The following JMJD1C variants were observed in gnomAD, a reference collection of about 807,000 sequenced individuals.
JMJD1C encodes jumonji domain containing 1C.
JMJD1C carries 31 observed loss-of-function variants against 245.3 expected under a neutral mutation model. The observed-to-expected ratio is 0.13, with a 90% CI of 0.09 to 0.17. JMJD1C has a LOEUF of 0.17. Among genes scored for constraint, JMJD1C ranks in the 10% least tolerant of loss-of-function variants. JMJD1C has a pLI of 1.00. For synonymous variants in JMJD1C, 1,057 were observed against 1,017.4 expected, an observed-to-expected ratio of 1.04 and a Z score of -0.74; for missense variants, 2,691 against 3,000.2, an observed-to-expected ratio of 0.90 and a Z score of 2.41.
intron 11 of JMJD1C, among the ~76,000 whole-genome samples, chr10:63,199,033 G>A (rs1197236545): frequency 6.6e-6 from 1 of 152,120 alleles, no homozygotes; most frequent in African/African-American, 2.4e-5. Context: ...GAGTAAAAAT[G>A]TGGGCCCAAT....
chr10:63,350,024 G>T (rs188777493), intron 2 of JMJD1C, among the ~76,000 whole-genome samples: 1 of 151,984 alleles, frequency 6.6e-6, no homozygotes, highest in Non-Finnish European at 1.5e-5. Context: ...AGCATCCTAC[G>T]ATGTCATAAA....
rs1211709579 is a variant in JMJD1C, at chr10:63,345,502, AAAAC to A, written c.333+34812_333+34815del. ...AGACTTTGTCTCAAAAAAAAAAAAA[AAAAC>A]AAAAAAAAGGAACAAACTACCAATC... On this transcript the variant is annotated intron_variant, in intron 2 of 25. Coordinates refer to ENST00000399262, the MANE Select transcript of JMJD1C (RefSeq NM_032776.3). Among the ~76,000 whole-genome samples the A allele has an allele frequency of 7.0e-4, 107 of 151,808 alleles. 4 individuals carry two copies. The South Asian group carries it at 0.022, about 31-fold the overall frequency.
intron 2 of JMJD1C, among the ~76,000 whole-genome samples, chr10:63,315,598 G>GGAGGCC (rs1939898004): frequency 6.6e-6 from 1 of 152,058 alleles, no homozygotes; most frequent in African/African-American, 2.4e-5. Flanking sequence ...CAGCACTTTG[G>GGAGGCC]GAGGCCGAGG....
At chr10:63,244,925 T>C (rs1213548104) in intron 3 of JMJD1C, among the ~76,000 whole-genome samples, 2 of 151,822 alleles carry the variant, frequency 1.3e-5, no homozygotes, top group African/African-American at 4.8e-5. Flanking sequence ...TCACTTGTGG[T>C]CAGGAGTTCG....
At chr10:63,350,762 G>T (rs575887224) in intron 2 of JMJD1C, among the ~76,000 whole-genome samples, 3 of 151,694 alleles carry the variant, frequency 2.0e-5, no homozygotes, top group Non-Finnish European at 2.9e-5. Flanking sequence ...GACTACAGGC[G>T]CCCGCCACCG....
intron 10 of JMJD1C, among the ~76,000 whole-genome samples, chr10:63,201,652 G>A (rs7895472): frequency 0.43 from 64,935 of 152,004 alleles, 14,500 homozygotes; most frequent in South Asian, 0.53. Context: ...TAAGCTGGCC[G>A]GGCACGGTGG....
chr10:63,248,768 C>T (rs1050861383), intron 3 of JMJD1C, among the ~76,000 whole-genome samples: 11 of 152,122 alleles, frequency 7.2e-5, no homozygotes, highest in Admixed American at 2.6e-4. Flanking sequence ...AAAGAGATAG[C>T]TGCATTTCTA....
chr10:63,197,358 A>G, intron 13 of JMJD1C, 53 bp downstream of exon 13: 1 of 1,434,984 alleles, frequency 7.0e-7, no homozygotes, highest in South Asian at 1.3e-5. Flanking sequence ...TAGAAGAGTG[A>G]TCCTAAAGAA....
chr10:63,240,730 G>T (rs1269771119), intron 3 of JMJD1C, among the ~76,000 whole-genome samples: 2 of 152,084 alleles, frequency 1.3e-5, no homozygotes, highest in Non-Finnish European at 2.9e-5. Context: ...AGAAAAATAG[G>T]CTTAAGATTT....
Position 63,453,480 on chromosome 10 carries a change from A to G in JMJD1C, c.168+12015T>C, listed in dbSNP as rs141493975. 3.5e-3 allele frequency among the ~76,000 whole-genome samples: 534 copies of G among 152,336 alleles called. 4 individuals carry two copies. The highest frequency in any genetic ancestry group is 0.029 in the South Asian group (141 of 4,830). ...CAGAAAGATATATGGAATATAACAGATAGTCCACAAATATTCCTAAAATAT... is the reference window on the plus strand; with the variant it reads ...CAGAAAGATATATGGAATATAACAGGTAGTCCACAAATATTCCTAAAATAT... On this transcript the variant is annotated intron_variant, in intron 1 of 25. Coordinates refer to ENST00000399262, the MANE Select transcript of JMJD1C (RefSeq NM_032776.3).
chr10:63,181,148 G>A (rs1292220484), intron 22 of JMJD1C, among the ~76,000 whole-genome samples: 2 of 152,158 alleles, frequency 1.3e-5, no homozygotes, highest in African/African-American at 4.8e-5. Context: ...TTACAGGCAT[G>A]AGCCACCGTG....
At chr10:63,484,463 T>C (rs1223038939) in intron 1 of JMJD1C, among the ~76,000 whole-genome samples, 1 of 152,162 alleles carries the variant, frequency 6.6e-6, no homozygotes, top group Admixed American at 6.5e-5. Context: ...CTTTTCACGC[T>C]ATTTATACCC....
At chr10:63,432,919 C>T (rs1221429252) in intron 1 of JMJD1C, among the ~76,000 whole-genome samples, 1 of 152,168 alleles carries the variant, frequency 6.6e-6, no homozygotes, top group African/African-American at 2.4e-5. Flanking sequence ...CTAAGACTAA[C>T]TGAATGATTT....
At chr10:63,484,756 CATTTA>C (rs951627624) in intron 1 of JMJD1C, among the ~76,000 whole-genome samples, 2 of 151,856 alleles carry the variant, frequency 1.3e-5, no homozygotes, top group African/African-American at 4.8e-5. Flanking sequence ...AAGTACTGTA[CATTTA>C]ATTTCTATTG....
chr10:63,243,966 A>G (rs1489254436), intron 3 of JMJD1C, among the ~76,000 whole-genome samples: 1 of 152,190 alleles, frequency 6.6e-6, no homozygotes, highest in Non-Finnish European at 1.5e-5. Context: ...AACACTGGAA[A>G]AAGTAAGATC....
At chr10:63,394,678 CT>C (rs1230397231) in intron 1 of JMJD1C, among the ~76,000 whole-genome samples, 2 of 152,042 alleles carry the variant, frequency 1.3e-5, no homozygotes, top group African/African-American at 4.8e-5. Context: ...AACCCTGTGT[CT>C]ACTAATAATA....
At chr10:63,386,931 A>T (rs571942498) in intron 1 of JMJD1C, among the ~76,000 whole-genome samples, 1 of 152,146 alleles carries the variant, frequency 6.6e-6, no homozygotes, top group African/African-American at 2.4e-5. Context: ...AACAGACATG[A>T]TCTTCTGACT....
At chr10:63,324,929 T>C (rs1941338949) in intron 2 of JMJD1C, among the ~76,000 whole-genome samples, 1 of 152,200 alleles carries the variant, frequency 6.6e-6, no homozygotes, top group African/African-American at 2.4e-5. Flanking sequence ...GCTTGCTTCA[T>C]ACAAACCAAA....
intron 1 of JMJD1C, among the ~76,000 whole-genome samples, chr10:63,384,009 T>C (rs1947406650): frequency 6.6e-6 from 1 of 152,196 alleles, no homozygotes; most frequent in East Asian, 1.9e-4. Context: ...CTTTTGAAAC[T>C]GGAGTCAATC....
Sources: gnomAD v4.1 joint callset for allele counts (sites outside exome capture counted in the v4.1 genomes callset) on GRCh38, gnomAD v4.1.1 for gene constraint, MANE v1.5 for transcripts, NCBI Gene and HGNC (gene_info 2026-07-23, HGNC 2026-07-21) for gene names.